TAFA5: variants seen among roughly 807,000 people sequenced by gnomAD.
The protein encoded by TAFA5 is TAFA chemokine like family member 5, also known as chemokine-like protein TAFA-5.
TAFA5 carries 6 observed loss-of-function variants against 15.3 expected under a neutral mutation model. That is an observed-to-expected ratio of 0.39 (90% CI 0.21 to 0.77). TAFA5 has a LOEUF of 0.77. TAFA5 is among the 30% of genes least tolerant of loss of function. The pLI, the probability that TAFA5 is intolerant of heterozygous loss-of-function variation, is 0.41. For synonymous variants in TAFA5, 103 were observed against 80.7 expected, an observed-to-expected ratio of 1.28 and a Z score of -1.48; for missense variants, 161 against 193.1, an observed-to-expected ratio of 0.83 and a Z score of 0.98.
intron 2 of TAFA5, among the ~76,000 whole-genome samples, chr22:48,659,110 G>A (rs1027154285): frequency 2.6e-5 from 4 of 152,226 alleles, no homozygotes; most frequent in Non-Finnish European, 4.4e-5. Context: ...ACCCCGCGGC[G>A]GAGGATCCAG....
chr22:48,691,361 C>T lies in TAFA5; in HGVS notation c.263-16356C>T, dbSNP rs554258314. 3.3e-5 allele frequency among the ~76,000 whole-genome samples: 5 copies of T among 152,316 alleles called. No homozygotes were observed. The East Asian group carries it at 9.7e-4, about 29-fold the overall frequency. ...GATGCAGATTTTACTTCACGTTTGA[C>T]ATTTTTGGTATCGTCATCCTCCCGG... On this transcript the variant is annotated intron_variant, in intron 2 of 3. Coordinates refer to ENST00000402357, the MANE Select transcript of TAFA5 (RefSeq NM_001082967.3).
At chr22:48,673,797 C>T (rs1476411681) in intron 2 of TAFA5, among the ~76,000 whole-genome samples, 1 of 152,152 alleles carries the variant, frequency 6.6e-6, no homozygotes, top group African/African-American at 2.4e-5. Context: ...GAGCTGTGGT[C>T]CACACAGAGA....
At chr22:48,680,865 G>A (rs1035534329) in intron 2 of TAFA5, among the ~76,000 whole-genome samples, 3 of 152,242 alleles carry the variant, frequency 2.0e-5, no homozygotes, top group Non-Finnish European at 2.9e-5. Flanking sequence ...GGCACACCAA[G>A]CTGTGTCGGC....
intron 1 of TAFA5, among the ~76,000 whole-genome samples, chr22:48,499,392 A>G (rs1180006648): frequency 2.6e-5 from 4 of 152,160 alleles, no homozygotes; most frequent in Non-Finnish European, 5.9e-5. Flanking sequence ...TGGTGTCTAC[A>G]GCCCGCATTT....
chr22:48,687,150 G>C (rs1410840339), intron 2 of TAFA5, among the ~76,000 whole-genome samples: 1 of 151,972 alleles, frequency 6.6e-6, no homozygotes, highest in Non-Finnish European at 1.5e-5. Flanking sequence ...GTGGATGGAT[G>C]GATTGGTGGA....
At chr22:48,499,817 C>A (rs1920942885) in intron 1 of TAFA5, among the ~76,000 whole-genome samples, 1 of 152,202 alleles carries the variant, frequency 6.6e-6, no homozygotes, top group Non-Finnish European at 1.5e-5. Context: ...CCTCCCGGGT[C>A]CCCTTGTCGT....
rs147844465 is a variant in TAFA5, at chr22:48,615,211, G to A, written c.113-31386G>A. Among the ~76,000 whole-genome samples the A allele has an allele frequency of 3.9e-4, 60 of 152,240 alleles. 1 individual carries two copies. The East Asian group carries it at 0.01, about 26-fold the overall frequency. On this transcript the variant is annotated intron_variant, in intron 1 of 3. Coordinates refer to ENST00000402357, the MANE Select transcript of TAFA5 (RefSeq NM_001082967.3). Reference sequence around the variant, plus strand: ...GAGAGAGCTGCGTTGGGGAAGACGGGAACAGTGATAAGAGTTCTTAATTAG... The same window carrying A: ...GAGAGAGCTGCGTTGGGGAAGACGGAAACAGTGATAAGAGTTCTTAATTAG...
chr22:48,714,072 G>C (rs932522401), intron 3 of TAFA5, among the ~76,000 whole-genome samples: 1 of 152,220 alleles, frequency 6.6e-6, no homozygotes, highest in South Asian at 2.1e-4. Flanking sequence ...CCAGGCCCTC[G>C]CCCAGGGCGG....
chr22:48,691,903 G>A (rs1249228725), intron 2 of TAFA5, among the ~76,000 whole-genome samples: 2 of 152,164 alleles, frequency 1.3e-5, no homozygotes, highest in African/African-American at 2.4e-5. Flanking sequence ...TCCCTGTCAC[G>A]GGATCCATCC....
intron 2 of TAFA5, among the ~76,000 whole-genome samples, chr22:48,697,545 CATG>C (rs1350026660): frequency 6.0e-5 from 9 of 150,866 alleles, no homozygotes; most frequent in Admixed American, 1.3e-4. Flanking sequence ...CAATGATAAT[CATG>C]GTGGTGATGG....
rs562462119 is a variant in TAFA5 at position 48,677,117 on chromosome 22, T to A, written c.262+30371T>A. ...AGACACAATTATCTTGGACATTCTCTCCTGCCCACTGGACAGAAAGCTGTT... is the reference window on the plus strand; with the variant it reads ...AGACACAATTATCTTGGACATTCTCACCTGCCCACTGGACAGAAAGCTGTT... On this transcript the variant is annotated intron_variant, in intron 2 of 3. Transcript: ENST00000402357. 1.0e-4 allele frequency among the ~76,000 whole-genome samples: 16 copies of A among 152,400 alleles called. No homozygotes were observed. In the South Asian group the frequency reaches 3.1e-3, roughly 30 times the overall value.
chr22:48,592,543 C>T (rs1449840386), intron 1 of TAFA5, among the ~76,000 whole-genome samples: 3 of 152,354 alleles, frequency 2.0e-5, no homozygotes, highest in Middle Eastern at 3.4e-3. Flanking sequence ...CTGATTTGGG[C>T]TGAAGAACCA....
At chr22:48,676,518 C>T (rs1927975953) in intron 2 of TAFA5, among the ~76,000 whole-genome samples, 1 of 152,076 alleles carries the variant, frequency 6.6e-6, no homozygotes, top group South Asian at 2.1e-4. Context: ...CCAGGTATGC[C>T]TGGTGGTCGT....
intron 1 of TAFA5, among the ~76,000 whole-genome samples, chr22:48,492,154 A>G (rs540477136): frequency 8.6e-5 from 13 of 150,372 alleles, no homozygotes; most frequent in Middle Eastern, 3.4e-3. Flanking sequence ...AGAACCGATA[A>G]AGCAAATTAA....
chr22:48,602,234 G>A (rs568145777), intron 1 of TAFA5, among the ~76,000 whole-genome samples: 34 of 152,344 alleles, frequency 2.2e-4, no homozygotes, highest in African/African-American at 7.7e-4. Context: ...TGTGCATGGG[G>A]GATGGAAATG....
At chr22:48,648,004 T>C (rs1412950351) in intron 2 of TAFA5, among the ~76,000 whole-genome samples, 1 of 152,024 alleles carries the variant, frequency 6.6e-6, no homozygotes, top group Non-Finnish European at 1.5e-5. Context: ...CAGAAGAAGA[T>C]AGGGACAGGG....
chr22:48,633,037 G>A (rs548144686), intron 1 of TAFA5, among the ~76,000 whole-genome samples: 6 of 152,326 alleles, frequency 3.9e-5, no homozygotes, highest in Admixed American at 2.6e-4. Flanking sequence ...GGAGTTTGGC[G>A]AGGATGAGTG....
rs558916122 is a variant in TAFA5, at chr22:48,588,427, C to T, written c.113-58170C>T. On this transcript the variant is annotated intron_variant, in intron 1 of 3. Transcript: ENST00000402357. The stretch of plus-strand genomic sequence containing the variant: ...GGGCTGCACTGCCCGTCCTGAAAGG[C>T]TCTGCTGAGGCATTGGGGGAAGGAA... Among the ~76,000 whole-genome samples, 4 of 152,324 alleles carry T rather than the reference C, an allele frequency of 2.6e-5. No individual in the cohort carries two copies. The East Asian group carries it at 7.7e-4, about 29-fold the overall frequency.
chr22:48,719,460 G>A (rs1929503208), intron 3 of TAFA5, among the ~76,000 whole-genome samples: 1 of 152,212 alleles, frequency 6.6e-6, no homozygotes, highest in South Asian at 2.1e-4. Context: ...CGATGGCCAG[G>A]GGAGAGGAAA....
Sources: allele counts gnomAD v4.1 joint callset (sites outside exome capture counted in the v4.1 genomes callset), GRCh38; gene constraint gnomAD v4.1.1; transcripts MANE v1.5; gene names NCBI Gene and HGNC (gene_info 2026-07-23, HGNC 2026-07-21).